Variants in SPAG16 observed in about 807,000 individuals in gnomAD.
SPAG16 encodes the protein sperm-associated antigen 16 protein.
In SPAG16, 86 loss-of-function variants were observed where a neutral mutation model predicts 80.4. The ratio of observed to expected loss-of-function variants is 1.07; its 90% CI spans 0.90 to 1.28. The LOEUF is 1.28. Among genes scored for constraint, SPAG16 ranks in the 50% most tolerant of loss-of-function variants. The pLI, the probability that SPAG16 is intolerant of heterozygous loss-of-function variation, is 0.00. For missense variants in SPAG16, 870 were observed against 765.3 expected, an observed-to-expected ratio of 1.14 and a Z score of -1.61; for synonymous variants, 294 against 265.9, an observed-to-expected ratio of 1.11 and a Z score of -1.03.
intron 9 of SPAG16, among the ~76,000 whole-genome samples, chr2:213,484,494 A>G (rs1454494448): frequency 6.6e-6 from 1 of 152,144 alleles, no homozygotes; most frequent in Non-Finnish European, 1.5e-5. Flanking sequence ...GGGCCATTTG[A>G]GTGATGAATG....
chr2:213,548,007 T>A (rs1170178304), intron 10 of SPAG16, among the ~76,000 whole-genome samples: 1 of 152,210 alleles, frequency 6.6e-6, no homozygotes, highest in Non-Finnish European at 1.5e-5. Context: ...TCCAATATTC[T>A]GCTACTGCAA....
At chr2:213,459,523 A>G (rs1454714829) in intron 9 of SPAG16, among the ~76,000 whole-genome samples, 1 of 152,200 alleles carries the variant, frequency 6.6e-6, no homozygotes, top group Non-Finnish European at 1.5e-5. Context: ...TCTAGGAATG[A>G]GGATCATTCT....
chr2:214,243,350 T>C (rs1689623709), intron 15 of SPAG16, among the ~76,000 whole-genome samples: 1 of 152,134 alleles, frequency 6.6e-6, no homozygotes, highest in African/African-American at 2.4e-5. Context: ...AGCTTGCCTA[T>C]ATTTATTTAT....
chr2:213,510,281 G>T (rs1228010546), intron 10 of SPAG16, among the ~76,000 whole-genome samples: 1 of 152,132 alleles, frequency 6.6e-6, no homozygotes, highest in African/African-American at 2.4e-5. Context: ...CATAGCAAAA[G>T]GACATAGCTG....
intron 12 of SPAG16, among the ~76,000 whole-genome samples, chr2:213,964,333 G>T (rs1348067764): frequency 1.3e-5 from 2 of 151,954 alleles, no homozygotes; most frequent in East Asian, 1.9e-4. Flanking sequence ...TGTATTTTAT[G>T]TGTGGATCCA....
chr2:213,471,111 A>G (rs1337874336), intron 9 of SPAG16, among the ~76,000 whole-genome samples: 2 of 152,174 alleles, frequency 1.3e-5, no homozygotes, highest in Admixed American at 1.3e-4. Flanking sequence ...AAGGGGCTGT[A>G]CTGCTGCAGC....
rs375643212 is a variant in SPAG16, at chr2:213,742,195, AT to A, written c.1071-120284del. On this transcript the variant is annotated intron_variant, in intron 10 of 15. Transcript: ENST00000331683. ...TTATTACAAAAGCATTTTCAATTAA[AT>A]TTTTTCCCTAAGAATTTTGGAACTT... Among the ~76,000 whole-genome samples the A allele has an allele frequency of 1.2e-4, 18 of 151,468 alleles. No homozygotes were observed. In the East Asian group the frequency reaches 2.3e-3, roughly 20 times the overall value.
At chr2:214,002,746 A>G (rs2046849223) in intron 12 of SPAG16, among the ~76,000 whole-genome samples, 1 of 152,216 alleles carries the variant, frequency 6.6e-6, no homozygotes, top group African/African-American at 2.4e-5. Context: ...TCCCAGATTG[A>G]GCAAAGAGCA....
chr2:213,776,511 G>A (rs1203099813), intron 10 of SPAG16, among the ~76,000 whole-genome samples: 1 of 152,152 alleles, frequency 6.6e-6, no homozygotes, highest in East Asian at 1.9e-4. Flanking sequence ...AATCTGTGTT[G>A]TTTGAAACCA....
intron 10 of SPAG16, among the ~76,000 whole-genome samples, chr2:213,522,351 G>C (rs1183748638): frequency 6.6e-6 from 1 of 152,164 alleles, no homozygotes; most frequent in Non-Finnish European, 1.5e-5. Flanking sequence ...CATGTAGACA[G>C]GAACCTAACA....
At chr2:214,186,379 A>G (rs1319550097) in intron 15 of SPAG16, among the ~76,000 whole-genome samples, 1 of 152,162 alleles carries the variant, frequency 6.6e-6, no homozygotes, top group Admixed American at 6.6e-5. Flanking sequence ...CTAAGCAAAT[A>G]AAGACTCCAT....
At chr2:214,015,155 C>T (rs972698357) in intron 13 of SPAG16, among the ~76,000 whole-genome samples, 17 of 152,142 alleles carry the variant, frequency 1.1e-4, no homozygotes, top group African/African-American at 3.6e-4. Flanking sequence ...CGCCTAACAT[C>T]GGAAGGTGAA....
intron 15 of SPAG16, among the ~76,000 whole-genome samples, chr2:214,236,545 G>T (rs927710686): frequency 6.6e-6 from 1 of 151,892 alleles, no homozygotes; most frequent in Admixed American, 6.6e-5. Flanking sequence ...CCAGCTACTC[G>T]GGAGGCTGAG....
At chr2:213,342,506 A>C (rs1575274468) in intron 6 of SPAG16, among the ~76,000 whole-genome samples, 1 of 151,594 alleles carries the variant, frequency 6.6e-6, no homozygotes, top group African/African-American at 2.4e-5. Flanking sequence ...TATATAATGC[A>C]ACTGCACTTT....
intron 15 of SPAG16, among the ~76,000 whole-genome samples, chr2:214,379,621 G>A (rs1290441593): frequency 2.6e-5 from 4 of 152,218 alleles, no homozygotes; most frequent in African/African-American, 9.7e-5. Flanking sequence ...ATGTAAATTA[G>A]AGATAGAGGT....
chr2:213,979,219 C>G (rs1013608295), intron 12 of SPAG16, among the ~76,000 whole-genome samples: 2 of 151,628 alleles, frequency 1.3e-5, no homozygotes, highest in Admixed American at 6.6e-5. Context: ...CAACTTCTGG[C>G]CTCCAATTAG....
chr2:214,014,020 C>T lies in SPAG16; in HGVS notation c.1470C>T (p.Ser490=). The part of the protein sequence containing the change: ...SVNSIEFFPF[S]NTLLTSSADK... Reference sequence around the variant, plus strand: ...ACAGCATTGAGTTTTTTCCTTTCTCCAATACTCTTCTCACAAGCTCTGCAG... The same window carrying T: ...ACAGCATTGAGTTTTTTCCTTTCTCTAATACTCTTCTCACAAGCTCTGCAG... The change falls in exon 13 of 16, where the codon TCC becomes TCT. Residue 490 remains serine (S), a synonymous_variant. Coordinates refer to ENST00000331683, the MANE Select transcript of SPAG16 (RefSeq NM_024532.5). 1 of 1,613,474 alleles carries T rather than the reference C, an allele frequency of 6.2e-7. No individual in the cohort carries two copies. Among genetic ancestry groups the T allele is most frequent in the Non-Finnish European group, 8.5e-7 (1 of 1,179,732 alleles).
intron 13 of SPAG16, among the ~76,000 whole-genome samples, chr2:214,022,935 T>G (rs941003991): frequency 3.9e-5 from 6 of 152,172 alleles, no homozygotes; most frequent in Non-Finnish European, 7.4e-5. Context: ...CTTCCTTCTT[T>G]CCTGATAATG....
At chr2:214,353,234 C>G (rs765022660) in intron 15 of SPAG16, among the ~76,000 whole-genome samples, 5 of 151,550 alleles carry the variant, frequency 3.3e-5, no homozygotes, top group Admixed American at 2.0e-4. Flanking sequence ...GGCTAAAAAT[C>G]AAGCTGATTA....
Sources: allele counts gnomAD v4.1 joint callset (sites outside exome capture counted in the v4.1 genomes callset), GRCh38; gene constraint gnomAD v4.1.1; transcripts MANE v1.5; gene names NCBI Gene and HGNC (gene_info 2026-07-23, HGNC 2026-07-21).